The following SPOCK3 variants were observed in gnomAD, a reference collection of about 807,000 sequenced individuals.
SPOCK3 encodes testican-3.
Under a neutral mutation model 56.6 loss-of-function variants are expected in SPOCK3, and 30 were observed. The ratio of observed to expected loss-of-function variants is 0.53; its 90% CI spans 0.40 to 0.72. The LOEUF (loss-of-function observed/expected upper bound fraction) is 0.72, where lower values mean the gene tolerates loss of function less well. Among genes scored for constraint, SPOCK3 ranks in the 30% least tolerant of loss-of-function variants. The probability of loss-of-function intolerance (pLI) is 0.00; values close to 1 mark genes in which losing one functional copy is unlikely to be tolerated. For missense variants in SPOCK3, 527 were observed against 530.0 expected (o/e 0.99, Z 0.06); for synonymous variants, 196 against 183.3 (o/e 1.07, Z -0.56).
intron 2 of SPOCK3, among the ~76,000 whole-genome samples, chr4:167,179,338 C>T (rs7667846): frequency 4.5e-4 from 68 of 152,012 alleles, no homozygotes; most frequent in African/African-American, 1.4e-3. Flanking sequence ...GCCTGTGTCC[C>T]GCTCAAAGTC....
chr4:166,928,805 TA>T (rs1000658645), intron 4 of SPOCK3, among the ~76,000 whole-genome samples: 29 of 151,970 alleles, frequency 1.9e-4, no homozygotes, highest in African/African-American at 6.8e-4. Flanking sequence ...CCATCTTTAC[TA>T]AAAATACAAA....
chr4:166,837,640 C>T (rs539473400), intron 6 of SPOCK3, among the ~76,000 whole-genome samples: 11 of 152,244 alleles, frequency 7.2e-5, no homozygotes, highest in African/African-American at 2.6e-4. Context: ...ATTTCTTTAT[C>T]CTGTGGACAT....
intron 2 of SPOCK3, among the ~76,000 whole-genome samples, chr4:167,070,657 T>A (rs1221802164): frequency 2.0e-5 from 3 of 151,960 alleles, no homozygotes; most frequent in Non-Finnish European, 4.4e-5. Context: ...TCTGTTTTAT[T>A]CTGAAATAGG....
intron 6 of SPOCK3, among the ~76,000 whole-genome samples, chr4:166,841,857 G>T: frequency 6.6e-6 from 1 of 152,282 alleles, no homozygotes; most frequent in South Asian, 2.1e-4. Context: ...GTTCTTGGTT[G>T]CACTGACTTC....
chr4:166,744,694 A>G (rs753076395), intron 8 of SPOCK3, among the ~76,000 whole-genome samples: 1 of 152,186 alleles, frequency 6.6e-6, no homozygotes, highest in African/African-American at 2.4e-5. Flanking sequence ...TTTCCAAGAT[A>G]AGGGAGGATG....
chr4:166,877,018 T>G (rs1733163183), intron 6 of SPOCK3, among the ~76,000 whole-genome samples: 2 of 152,132 alleles, frequency 1.3e-5, no homozygotes, highest in Admixed American at 1.3e-4. Flanking sequence ...ATTGATACAT[T>G]ATCAGTGAAG....
At chr4:166,993,588 C>CATATAA in intron 4 of SPOCK3, among the ~76,000 whole-genome samples, 1 of 152,156 alleles carries the variant, frequency 6.6e-6, no homozygotes, top group Non-Finnish European at 1.5e-5. Flanking sequence ...GCCAAAATCA[C>CATATAA]GCCCTTCCTT....
chr4:166,797,238 T>C (rs1365846905), intron 6 of SPOCK3, among the ~76,000 whole-genome samples: 4 of 148,286 alleles, frequency 2.7e-5, no homozygotes, highest in Non-Finnish European at 6.0e-5. Flanking sequence ...CCTTTCTTTT[T>C]TTTTTTTTTT....
chr4:166,891,779 A>T (rs1734812718), intron 5 of SPOCK3, among the ~76,000 whole-genome samples: 2 of 152,138 alleles, frequency 1.3e-5, no homozygotes, highest in South Asian at 4.1e-4. Flanking sequence ...GAACTTTCTC[A>T]TATAATAATT....
At chr4:166,791,878 C>G (rs981546071) in intron 7 of SPOCK3, among the ~76,000 whole-genome samples, 14 of 152,066 alleles carry the variant, frequency 9.2e-5, no homozygotes, top group African/African-American at 3.4e-4. Context: ...CTATGTTGTT[C>G]TACTCTTTAC....
At chr4:167,171,407 G>T (rs1296557894) in intron 2 of SPOCK3, among the ~76,000 whole-genome samples, 1 of 152,092 alleles carries the variant, frequency 6.6e-6, no homozygotes, top group Admixed American at 6.5e-5. Context: ...GTGTGTTTAA[G>T]TACTTGTCTA....
chr4:166,853,604 T>G (rs554171815), intron 6 of SPOCK3, among the ~76,000 whole-genome samples: 29 of 152,298 alleles, frequency 1.9e-4, no homozygotes, highest in African/African-American at 6.0e-4. Context: ...TATGGTGGGC[T>G]GGGCACAGTG....
At chr4:167,049,452 T>C (rs1333179037) in intron 3 of SPOCK3, among the ~76,000 whole-genome samples, 1 of 152,192 alleles carries the variant, frequency 6.6e-6, no homozygotes, top group East Asian at 1.9e-4. Flanking sequence ...CTAGACTCGC[T>C]GGTGTCTCAA....
chr4:166,876,226 G>T (rs2126963225), intron 6 of SPOCK3, among the ~76,000 whole-genome samples: 1 of 152,286 alleles, frequency 6.6e-6, no homozygotes, highest in Non-Finnish European at 1.5e-5. Context: ...AAGAATGTTT[G>T]CTTGGGAAGG....
chr4:167,079,078 A>G (rs577280347), intron 2 of SPOCK3, among the ~76,000 whole-genome samples: 30 of 152,086 alleles, frequency 2.0e-4, no homozygotes, highest in Middle Eastern at 3.4e-3. Flanking sequence ...GCAAATGAAA[A>G]AAAAAAAGTC....
chr4:166,864,460 C>T (rs1050097738), intron 6 of SPOCK3, among the ~76,000 whole-genome samples: 8 of 151,660 alleles, frequency 5.3e-5, no homozygotes, highest in South Asian at 2.1e-4. Context: ...GATAGAGACA[C>T]GAAAAACCTT....
intron 2 of SPOCK3, among the ~76,000 whole-genome samples, chr4:167,157,820 T>C (rs1437024149): frequency 6.6e-6 from 1 of 151,734 alleles, no homozygotes; most frequent in African/African-American, 2.4e-5. Flanking sequence ...CTCCCCATCT[T>C]TGGAAATCTG....
chr4:167,138,117 T>C (rs895574551), intron 2 of SPOCK3, among the ~76,000 whole-genome samples: 1 of 151,782 alleles, frequency 6.6e-6, no homozygotes, highest in Non-Finnish European at 1.5e-5. Context: ...AGTCACTTTT[T>C]ATTGAGTGAT....
rs950662897 is a variant in SPOCK3, at chr4:166,794,620, C to CT, written c.590-2332dup. The stretch of plus-strand genomic sequence containing the variant: ...CTTGACCCAGCAATTGTTTCTTTTT[C>CT]TTTTTTTTTTCTTTCTTTCTTTCTT... On this transcript the variant is annotated intron_variant, in intron 6 of 10. Coordinates refer to ENST00000357545, the MANE Select transcript of SPOCK3 (RefSeq NM_001040159.2). 3.8e-3 allele frequency among the ~76,000 whole-genome samples: 523 copies of CT among 139,432 alleles called. 8 individuals carry two copies. The highest frequency in any genetic ancestry group is 0.013 in the African/African-American group (479 of 38,152). 91.5% of individuals were successfully genotyped at this position (139,432 alleles called of 152,430 possible).
Sources: gnomAD v4.1 joint callset for allele counts (sites outside exome capture counted in the v4.1 genomes callset) on GRCh38, gnomAD v4.1.1 for gene constraint, MANE v1.5 for transcripts, NCBI Gene and HGNC (gene_info 2026-07-23, HGNC 2026-07-21) for gene names.